MEIS1: variants seen among roughly 807,000 people sequenced by gnomAD.
The protein encoded by MEIS1 is Meis homeobox 1, also known as homeobox protein Meis1.
Under a neutral mutation model 50.8 loss-of-function variants are expected in MEIS1, and 5 were observed. The ratio of observed to expected loss-of-function variants is 0.10; its 90% CI spans 0.05 to 0.21. The LOEUF is 0.21. Among genes scored for constraint, MEIS1 ranks in the 10% least tolerant of loss-of-function variants. The pLI is 1.00. For missense variants in MEIS1, 318 were observed against 517.3 expected, an observed-to-expected ratio of 0.61 and a Z score of 3.74; for synonymous variants, 176 against 179.3, an observed-to-expected ratio of 0.98 and a Z score of 0.15.
At position 66,439,658 on chromosome 2, in the gene MEIS1, A is replaced by C. The variant is rs1290630599; in HGVS notation, c.240-185A>C. 1.9e-6 allele frequency: 3 copies of C among 1,538,666 alleles called. No individual in the cohort carries two copies. In the East Asian group the frequency reaches 7.3e-5, roughly 38 times the overall value. Reference sequence around the variant, plus strand: ...TCAGGGCCTCCGACTTCAGGGCTCCAGGAGGAAGGGGAGGTGAGCGGTCAC... The same window carrying C: ...TCAGGGCCTCCGACTTCAGGGCTCCCGGAGGAAGGGGAGGTGAGCGGTCAC... On this transcript the variant is annotated intron_variant, in intron 2 of 12. Transcript: ENST00000272369.
intron 8 of MEIS1, among the ~76,000 whole-genome samples, chr2:66,541,128 C>T (rs948494082): frequency 6.6e-6 from 1 of 151,906 alleles, no homozygotes; most frequent in African/African-American, 2.4e-5. Context: ...AGCTCTGCCT[C>T]CCGGGTTCAC....
chr2:66,479,674 C>G (rs1672973016), intron 7 of MEIS1, among the ~76,000 whole-genome samples: 1 of 152,118 alleles, frequency 6.6e-6, no homozygotes, highest in South Asian at 2.1e-4. Context: ...TATGATCTCA[C>G]TAGGAGCAAA....
intron 8 of MEIS1, among the ~76,000 whole-genome samples, chr2:66,523,674 A>G (rs532089224): frequency 6.6e-6 from 1 of 152,368 alleles, no homozygotes; most frequent in East Asian, 1.9e-4. Context: ...TTTGGAAAAA[A>G]TCTGTAAAGT....
intron 8 of MEIS1, among the ~76,000 whole-genome samples, chr2:66,525,352 C>T (rs1674224411): frequency 6.6e-6 from 1 of 152,208 alleles, no homozygotes. Context: ...TCTGCATTTT[C>T]AGCAAGCTCC....
chr2:66,474,063 T>C (rs1481044448), intron 7 of MEIS1, among the ~76,000 whole-genome samples: 1 of 151,964 alleles, frequency 6.6e-6, no homozygotes, highest in Non-Finnish European at 1.5e-5. Flanking sequence ...AAAAAGTCTG[T>C]ACATGTTCAG....
intron 7 of MEIS1, among the ~76,000 whole-genome samples, chr2:66,481,690 G>A (rs1433781335): frequency 6.6e-6 from 1 of 152,008 alleles, no homozygotes; most frequent in Non-Finnish European, 1.5e-5. Context: ...TGTGCAGTTG[G>A]ATGTAACTTT....
At chr2:66,435,985 T>A in intron 1 of MEIS1, 117 bp downstream of exon 1, 1 of 864,652 alleles carries the variant, frequency 1.2e-6, no homozygotes, top group Non-Finnish European at 1.7e-6. Context: ...ATGAGGCTCC[T>A]AAAGCCGTGG....
chr2:66,511,822 G>A (rs535598774), intron 7 of MEIS1, among the ~76,000 whole-genome samples: 1 of 151,444 alleles, frequency 6.6e-6, no homozygotes, highest in South Asian at 2.1e-4. Context: ...TAACTCCCCG[G>A]TAGGAGTTAC....
chr2:66,504,755 A>C (rs1446855353), intron 7 of MEIS1, among the ~76,000 whole-genome samples: 3 of 152,160 alleles, frequency 2.0e-5, no homozygotes, highest in African/African-American at 4.8e-5. Context: ...TGTCTGTACC[A>C]CAGGGCACTT....
chr2:66,511,855 A>G (rs181374795), intron 7 of MEIS1, among the ~76,000 whole-genome samples: 4 of 152,308 alleles, frequency 2.6e-5, no homozygotes, highest in South Asian at 2.1e-4. Context: ...TCAGCTATAC[A>G]TATTGGAATA....
intron 6 of MEIS1, among the ~76,000 whole-genome samples, chr2:66,453,179 AT>A (rs2103717487): frequency 6.6e-6 from 1 of 152,094 alleles, no homozygotes; most frequent in East Asian, 1.9e-4. Flanking sequence ...TATTGAGGGC[AT>A]GTAAAGAACA....
intron 8 of MEIS1, among the ~76,000 whole-genome samples, chr2:66,536,444 A>G (rs1674519490): frequency 6.6e-6 from 1 of 152,236 alleles, no homozygotes; most frequent in African/African-American, 2.4e-5. Flanking sequence ...TCTGTTACTT[A>G]GAGACAAGTA....
chr2:66,560,325 G>T (rs1675181026), intron 9 of MEIS1, among the ~76,000 whole-genome samples: 1 of 151,866 alleles, frequency 6.6e-6, no homozygotes, highest in African/African-American at 2.4e-5. Flanking sequence ...TGGGTGCAGT[G>T]TCTCACACCC....
At chr2:66,438,210 G>A (rs954429421) in intron 2 of MEIS1, among the ~76,000 whole-genome samples, 27 of 152,372 alleles carry the variant, frequency 1.8e-4, no homozygotes, top group African/African-American at 6.0e-4. Flanking sequence ...GGTCCCAGAT[G>A]AGAAGAAGCT....
intron 9 of MEIS1, among the ~76,000 whole-genome samples, chr2:66,552,100 T>A (rs1417769071): frequency 6.6e-6 from 1 of 151,988 alleles, no homozygotes; most frequent in African/African-American, 2.4e-5. Flanking sequence ...ACCAACTTAA[T>A]TTTTTTATAT....
chr2:66,440,017 A>G, intron 3 of MEIS1, 33 bp downstream of exon 3: 1 of 1,567,748 alleles, frequency 6.4e-7, no homozygotes, highest in Non-Finnish European at 8.6e-7. Context: ...AGTAAAAGAA[A>G]CAAAAAGAGA....
At chr2:66,451,039 T>G (rs917517378) in intron 6 of MEIS1, among the ~76,000 whole-genome samples, 4 of 152,144 alleles carry the variant, frequency 2.6e-5, no homozygotes, top group Non-Finnish European at 5.9e-5. Flanking sequence ...GGGTTTGTTT[T>G]CGTGAGAAAA....
intron 9 of MEIS1, among the ~76,000 whole-genome samples, chr2:66,554,613 A>G (rs1359970554): frequency 6.6e-6 from 1 of 152,234 alleles, no homozygotes; most frequent in African/African-American, 2.4e-5. Flanking sequence ...TTTGGGCGAC[A>G]GTGTCCTCTG....
chr2:66,538,260 A>G lies in MEIS1; in HGVS notation c.889-9683A>G, dbSNP rs560679059. On this transcript the variant is annotated intron_variant, in intron 8 of 12. Transcript: ENST00000272369. ...CTACTTAGAGTCAAATCCCAGCTCT[A>G]TTTTACTTGCCAGTAAATTAGATTC... 1.4e-4 allele frequency among the ~76,000 whole-genome samples: 22 copies of G among 152,302 alleles called. No individual in the cohort carries two copies. In the East Asian group the frequency reaches 1.7e-3, roughly 12 times the overall value.
Sources: allele counts gnomAD v4.1 joint callset (sites outside exome capture counted in the v4.1 genomes callset), GRCh38; gene constraint gnomAD v4.1.1; transcripts MANE v1.5; gene names NCBI Gene and HGNC (gene_info 2026-07-23, HGNC 2026-07-21).